The following COMMD10 variants were observed in gnomAD, a reference collection of about 807,000 sequenced individuals.
COMMD10 encodes the protein COMM domain containing 10.
In COMMD10, 33 loss-of-function variants were observed where a neutral mutation model predicts 28.9. That is an observed-to-expected ratio of 1.14 (90% CI 0.87 to 1.53). COMMD10 has a LOEUF of 1.53. Ranked by LOEUF, COMMD10 falls within the 40% of genes most tolerant of loss-of-function variation. The pLI is 0.00. For missense variants in COMMD10, 310 were observed against 233.4 expected, an observed-to-expected ratio of 1.33 and a Z score of -2.14; for synonymous variants, 110 against 81.7, an observed-to-expected ratio of 1.35 and a Z score of -1.87.
chr5:116,092,760 C>T (rs1393790204), intron 4 of COMMD10, 60 bp downstream of exon 4: 2 of 1,224,920 alleles, frequency 1.6e-6, no homozygotes, highest in Middle Eastern at 2.0e-4. Context: ...ATTATTATAC[C>T]TGAAGAGTTT....
At chr5:116,120,306 G>T (rs1294557698) in intron 4 of COMMD10, among the ~76,000 whole-genome samples, 3 of 152,088 alleles carry the variant, frequency 2.0e-5, no homozygotes, top group Admixed American at 6.6e-5. Flanking sequence ...CTATGAGGTT[G>T]TGGTGGCATG....
chr5:116,111,451 G>GTTTTTGTATTGCTGTGTCCTACAGC, intron 4 of COMMD10, among the ~76,000 whole-genome samples: 1 of 151,870 alleles, frequency 6.6e-6, no homozygotes, highest in Non-Finnish European at 1.5e-5. Flanking sequence ...TGTCCTACAG[G>GTTTTTGTATTGCTGTGTCCTACAGC]TTTTTGTATG....
At chr5:116,203,807 C>T (rs556483893) in intron 5 of COMMD10, among the ~76,000 whole-genome samples, 31 of 152,090 alleles carry the variant, frequency 2.0e-4, no homozygotes, top group African/African-American at 6.0e-4. Flanking sequence ...TAAAGACCAT[C>T]GAGACTAGGA....
At chr5:116,224,768 G>A (rs1029776787) in intron 5 of COMMD10, among the ~76,000 whole-genome samples, 6 of 152,062 alleles carry the variant, frequency 3.9e-5, no homozygotes, top group South Asian at 4.1e-4. Flanking sequence ...CGTATCACCC[G>A]GGATATTGTT....
chr5:116,257,856 A>G (rs1249768408), intron 5 of COMMD10, among the ~76,000 whole-genome samples: 2 of 151,750 alleles, frequency 1.3e-5, no homozygotes, highest in Admixed American at 6.6e-5. Flanking sequence ...TTTTGTGGTC[A>G]TCTGAATTTT....
intron 5 of COMMD10, among the ~76,000 whole-genome samples, chr5:116,262,034 A>G (rs73261018): frequency 0.12 from 17,564 of 151,630 alleles, 1,661 homozygotes; most frequent in African/African-American, 0.23. Context: ...CTTTCAGATA[A>G]AGAAGGTAAG....
chr5:116,141,472 T>A (rs146088048), intron 5 of COMMD10, among the ~76,000 whole-genome samples: 2 of 152,054 alleles, frequency 1.3e-5, no homozygotes, highest in East Asian at 1.9e-4. Context: ...TTGATGGAAT[T>A]GCATTGAATC....
intron 5 of COMMD10, among the ~76,000 whole-genome samples, chr5:116,165,618 G>C (rs550404912): frequency 6.6e-6 from 1 of 152,230 alleles, no homozygotes; most frequent in East Asian, 1.9e-4. Flanking sequence ...GTGTATCTGT[G>C]TGTGTGTTTG....
At chr5:116,187,812 ATG>A (rs1311660735) in intron 5 of COMMD10, among the ~76,000 whole-genome samples, 3 of 152,184 alleles carry the variant, frequency 2.0e-5, no homozygotes, top group Non-Finnish European at 4.4e-5. Flanking sequence ...AAATAACTTT[ATG>A]TTGTAAACAG....
chr5:116,198,454 C>T (rs575519420), intron 5 of COMMD10, among the ~76,000 whole-genome samples: 3 of 152,112 alleles, frequency 2.0e-5, no homozygotes, highest in Non-Finnish European at 4.4e-5. Context: ...CCTATGCATG[C>T]ATAGCCTATC....
intron 4 of COMMD10, among the ~76,000 whole-genome samples, chr5:116,122,996 C>T (rs1751494502): frequency 6.6e-6 from 1 of 152,108 alleles, no homozygotes; most frequent in Admixed American, 6.5e-5. Context: ...TTGCCCTGGC[C>T]AGAACTTCCA....
At chr5:116,199,749 G>A (rs1434746419) in intron 5 of COMMD10, among the ~76,000 whole-genome samples, 1 of 152,024 alleles carries the variant, frequency 6.6e-6, no homozygotes, top group Non-Finnish European at 1.5e-5. Flanking sequence ...TGCCTGAGAA[G>A]ATATTTATTT....
intron 5 of COMMD10, among the ~76,000 whole-genome samples, chr5:116,157,355 G>T (rs1752750306): frequency 6.6e-6 from 1 of 152,188 alleles, no homozygotes; most frequent in African/African-American, 2.4e-5. Context: ...AAGTCTGTAG[G>T]TGGGCAAGGC....
At chr5:116,185,805 G>A (rs1373481651) in intron 5 of COMMD10, among the ~76,000 whole-genome samples, 1 of 152,052 alleles carries the variant, frequency 6.6e-6, no homozygotes, top group Admixed American at 6.6e-5. Flanking sequence ...ACTACATTGA[G>A]ATATCTTTAT....
intron 5 of COMMD10, among the ~76,000 whole-genome samples, chr5:116,284,557 C>T (rs1440771124): frequency 6.6e-6 from 1 of 151,648 alleles, no homozygotes; most frequent in Non-Finnish European, 1.5e-5. Context: ...AAAAATAGGT[C>T]CAAATAGTCA....
intron 5 of COMMD10, among the ~76,000 whole-genome samples, chr5:116,194,285 A>T (rs1355433118): frequency 6.6e-6 from 1 of 152,064 alleles, no homozygotes; most frequent in Non-Finnish European, 1.5e-5. Flanking sequence ...AACAAACCAA[A>T]CCCAAACCCA....
At chr5:116,272,922 CTG>C (rs1392845348) in intron 5 of COMMD10, among the ~76,000 whole-genome samples, 1 of 151,834 alleles carries the variant, frequency 6.6e-6, no homozygotes. Context: ...TGTGGATGGT[CTG>C]TCACTGTGGG....
Position 116,254,811 on chromosome 5 carries a change from G to T in COMMD10, c.511-36706G>T, listed in dbSNP as rs557708457. Among the ~76,000 whole-genome samples, 393 of 151,636 alleles carry T rather than the reference G, an allele frequency of 2.6e-3. 2 individuals carry two copies. Among genetic ancestry groups the T allele is most frequent in the Non-Finnish European group, 4.4e-3 (300 of 67,992 alleles). On this transcript the variant is annotated intron_variant, in intron 5 of 6. Coordinates refer to ENST00000274458, the MANE Select transcript of COMMD10 (RefSeq NM_016144.4). Reference sequence around the variant, plus strand: ...TGGAGAGTTCTGTAGATGTCTATTAGGTCCGCTTGGTGCAGAGCTGAGTTC... The same window carrying T: ...TGGAGAGTTCTGTAGATGTCTATTATGTCCGCTTGGTGCAGAGCTGAGTTC...
At chr5:116,249,636 C>G (rs1750053195) in intron 5 of COMMD10, among the ~76,000 whole-genome samples, 1 of 151,830 alleles carries the variant, frequency 6.6e-6, no homozygotes, top group Non-Finnish European at 1.5e-5. Flanking sequence ...AAAGATAATG[C>G]TGGCACGACT....
Sources: gnomAD v4.1 joint callset for allele counts (sites outside exome capture counted in the v4.1 genomes callset) on GRCh38, gnomAD v4.1.1 for gene constraint, MANE v1.5 for transcripts, NCBI Gene and HGNC (gene_info 2026-07-23, HGNC 2026-07-21) for gene names.